PLAT: variants seen among roughly 807,000 people sequenced by gnomAD.
PLAT encodes plasminogen activator, tissue type.
PLAT carries 48 observed loss-of-function variants against 74.9 expected under a neutral mutation model. The ratio of observed to expected loss-of-function variants is 0.64; its 90% CI spans 0.51 to 0.82. The LOEUF (loss-of-function observed/expected upper bound fraction) is 0.82, where lower values mean the gene tolerates loss of function less well. PLAT is among the 40% of genes least tolerant of loss of function. The pLI is 0.00. For missense variants in PLAT, 673 were observed against 736.2 expected (o/e 0.91, Z 0.99); for synonymous variants, 307 against 294.4 (o/e 1.04, Z -0.44).
chr8:42,187,620 T>G (rs774220593), intron 5 of PLAT, 48 bp from the exon 6 acceptor site: 1 of 1,517,990 alleles, frequency 6.6e-7, no homozygotes, highest in African/African-American at 1.4e-5. Flanking sequence ...TCCCCTTTCA[T>G]TCAGCCCTCA....
intron 3 of PLAT, among the ~76,000 whole-genome samples, chr8:42,190,711 G>A (rs1237000199): frequency 7.2e-5 from 11 of 152,288 alleles, no homozygotes; most frequent in African/African-American, 1.2e-4. Context: ...GAACTGGGTC[G>A]TGAAGGAGGG....
Position 42,179,012 on chromosome 8 carries a change from G to A in PLAT, c.1415C>T (p.Pro472Leu). 6.2e-7 allele frequency: 1 copy of A among 1,613,280 alleles called. No homozygotes were observed. Among genetic ancestry groups the A allele is most frequent in the Non-Finnish European group, 8.5e-7 (1 of 1,179,192 alleles). Reference sequence around the variant, plus strand: ...ATGTTGTGATGTGCAGCGGCTGGATGGGTACAGTCTGACATGAGCCTCCTT... The same window carrying A: ...ATGTTGTGATGTGCAGCGGCTGGATAGGTACAGTCTGACATGAGCCTCCTT... ...RLKEAHVRLY[P>L]SSRCTSQHLL... Residue 472 changes from proline to leucine, a missense_variant, in exon 13 of 14, where the codon CCA (proline) becomes CTA (leucine). Transcript: ENST00000220809.
intron 12 of PLAT, among the ~76,000 whole-genome samples, chr8:42,179,337 G>A (rs981247808): frequency 2.6e-5 from 4 of 152,174 alleles, no homozygotes; most frequent in Admixed American, 2.6e-4. Context: ...GAGCCCTGCA[G>A]TGTGCAGCAT....
intron 2 of PLAT, 129 bp from the exon 3 acceptor site, chr8:42,191,543 C>T: frequency 1.3e-6 from 1 of 762,648 alleles, no homozygotes; most frequent in Non-Finnish European, 2.3e-6. Flanking sequence ...CCTCGGGTAA[C>T]TGGCCCAAGT....
chr8:42,184,833 C>T (rs143158800), intron 7 of PLAT: 30 of 361,796 alleles, frequency 8.3e-5, no homozygotes, highest in Middle Eastern at 1.4e-3. Context: ...CAGCCCCATC[C>T]TCTCCTCCAT....
chr8:42,200,064 G>A (rs1806067948), intron 1 of PLAT, among the ~76,000 whole-genome samples: 1 of 152,148 alleles, frequency 6.6e-6, no homozygotes, highest in Non-Finnish European at 1.5e-5. Flanking sequence ...CTGGCCTTAG[G>A]TGAAAGTGAC....
At chr8:42,197,706 A>G (rs996697678) in intron 1 of PLAT, among the ~76,000 whole-genome samples, 3 of 152,098 alleles carry the variant, frequency 2.0e-5, no homozygotes, top group Non-Finnish European at 2.9e-5. Flanking sequence ...GTGCCTGTGT[A>G]TTACATCCCC....
intron 1 of PLAT, among the ~76,000 whole-genome samples, chr8:42,203,969 T>TATATATA (rs1806230335): frequency 9.5e-6 from 1 of 105,096 alleles, no homozygotes; most frequent in Non-Finnish European, 1.8e-5. Flanking sequence ...TGTCTCTAAA[T>TATATATA]TATATATATA....
At chr8:42,191,106 C>T (rs1002834366) in intron 3 of PLAT, among the ~76,000 whole-genome samples, 2 of 152,206 alleles carry the variant, frequency 1.3e-5, no homozygotes, top group Non-Finnish European at 2.9e-5. Flanking sequence ...CCCCAGCCCC[C>T]GCTAGGTTGT....
At chr8:42,178,363 C>A (rs899957365) in intron 13 of PLAT, among the ~76,000 whole-genome samples, 1 of 151,824 alleles carries the variant, frequency 6.6e-6, no homozygotes, top group Admixed American at 6.6e-5. Context: ...CTCTGCCTCC[C>A]GGGTTCAAGC....
At chr8:42,178,841 C>G (rs1460756112) in intron 13 of PLAT, 56 bp downstream of exon 13, 18 of 1,537,234 alleles carry the variant, frequency 1.2e-5, no homozygotes, top group Non-Finnish European at 1.5e-5. Context: ...AACCTGTTGT[C>G]CCAGGGGCAT....
chr8:42,198,129 T>A lies in PLAT; in HGVS notation c.-26-4918A>T, dbSNP rs1477654329. Among the ~76,000 whole-genome samples the A allele has an allele frequency of 2.0e-5, 3 of 152,188 alleles. No individual in the cohort carries two copies. In the East Asian group the frequency reaches 5.8e-4, roughly 29 times the overall value. On this transcript the variant is annotated intron_variant, in intron 1 of 13. Coordinates refer to ENST00000220809, the MANE Select transcript of PLAT (RefSeq NM_000930.5). ...GGGAGGATCACTTGAACCCAGGAGT[T>A]CGAGATCAGCCTGGGCAACACAGTG...
chr8:42,192,389 A>T (rs866355793), intron 2 of PLAT, among the ~76,000 whole-genome samples: 3 of 152,124 alleles, frequency 2.0e-5, no homozygotes, highest in Middle Eastern at 3.2e-3. Context: ...AAAATAAAAA[A>T]TAATAATATA....
chr8:42,202,615 C>T (rs1351805898), intron 1 of PLAT, among the ~76,000 whole-genome samples: 4 of 150,756 alleles, frequency 2.7e-5, no homozygotes, highest in African/African-American at 5.0e-5. Context: ...GAGCACCAGC[C>T]GTGCCCTGGC....
At chr8:42,192,721 G>A (rs1448011520) in intron 2 of PLAT, among the ~76,000 whole-genome samples, 5 of 152,156 alleles carry the variant, frequency 3.3e-5, no homozygotes, top group Admixed American at 1.3e-4. Context: ...AGGAACTTGA[G>A]TATCCCTGGA....
chr8:42,204,470 G>T (rs1181721679), intron 1 of PLAT, among the ~76,000 whole-genome samples: 3 of 152,228 alleles, frequency 2.0e-5, no homozygotes, highest in Non-Finnish European at 4.4e-5. Context: ...TGGGCATGGT[G>T]GCTCACGCCT....
At chr8:42,179,479 T>A (rs886806057) in intron 12 of PLAT, among the ~76,000 whole-genome samples, 7 of 152,198 alleles carry the variant, frequency 4.6e-5, no homozygotes, top group African/African-American at 1.7e-4. Flanking sequence ...CGTTCAATAT[T>A]ATCTCATTTA....
intron 2 of PLAT, 28 bp downstream of exon 2, chr8:42,193,086 G>A (rs1805747033): frequency 2.0e-6 from 3 of 1,518,444 alleles, no homozygotes; most frequent in Non-Finnish European, 2.7e-6. Flanking sequence ...GCCTTGAGGG[G>A]CGGGACACAG....
intron 1 of PLAT, among the ~76,000 whole-genome samples, chr8:42,204,390 T>G (rs767174667): frequency 1.2e-4 from 18 of 152,268 alleles, no homozygotes; most frequent in Non-Finnish European, 2.1e-4. Flanking sequence ...CGAAAATCAC[T>G]CAGAGAAAGT....
Sources: allele counts gnomAD v4.1 joint callset (sites outside exome capture counted in the v4.1 genomes callset), GRCh38; gene constraint gnomAD v4.1.1; transcripts MANE v1.5; gene names NCBI Gene and HGNC (gene_info 2026-07-23, HGNC 2026-07-21).